The following CMPK1 variants were observed in gnomAD, a reference collection of about 807,000 sequenced individuals.
CMPK1 encodes the protein cytidine/uridine monophosphate kinase 1.
In CMPK1, 10 loss-of-function variants were observed where a neutral mutation model predicts 25.7. The ratio of observed to expected loss-of-function variants is 0.39; its 90% CI spans 0.24 to 0.66. CMPK1 has a LOEUF of 0.66. CMPK1 is among the 30% of genes least tolerant of loss of function. The pLI is 0.48. For missense variants in CMPK1, 199 were observed against 280.5 expected, an observed-to-expected ratio of 0.71 and a Z score of 2.08; for synonymous variants, 106 against 101.5, an observed-to-expected ratio of 1.04 and a Z score of -0.27.
At chr1:47,358,857 C>A in intron 1 of CMPK1, 1 of 983,722 alleles carries the variant, frequency 1.0e-6, no homozygotes, top group Non-Finnish European at 1.2e-6. Context: ...CAAATAAATT[C>A]TAGTTCCTAA....
Position 47,372,221 on chromosome 1 carries a change from T to A in CMPK1, c.319-734T>A, listed in dbSNP as rs1453357432. Among the ~76,000 whole-genome samples, 7 of 152,102 alleles carry A rather than the reference T, an allele frequency of 4.6e-5. No individual in the cohort carries two copies. The East Asian group carries it at 1.4e-3, about 29-fold the overall frequency. On this transcript the variant is annotated intron_variant, in intron 2 of 5. Transcript: ENST00000371873. The stretch of plus-strand genomic sequence containing the variant: ...CATTTCTCTGCCTCAGCCTCCCCAG[T>A]AGCTGGGATTACAGGTGCCAGCCAC...
At chr1:47,363,113 G>A (rs1383222181) in intron 1 of CMPK1, among the ~76,000 whole-genome samples, 3 of 152,148 alleles carry the variant, frequency 2.0e-5, no homozygotes, top group East Asian at 1.9e-4. Flanking sequence ...AAATGTGGTT[G>A]TGTCCCAGAA....
At chr1:47,374,302 C>T (rs1646694338) in intron 3 of CMPK1, among the ~76,000 whole-genome samples, 1 of 152,194 alleles carries the variant, frequency 6.6e-6, no homozygotes, top group Non-Finnish European at 1.5e-5. Flanking sequence ...GGTGATCCAC[C>T]CGCCTTAGCC....
intron 1 of CMPK1, among the ~76,000 whole-genome samples, chr1:47,342,440 C>T (rs557357603): frequency 4.3e-4 from 65 of 152,176 alleles, no homozygotes; most frequent in Admixed American, 1.6e-3. Flanking sequence ...TAATCTCTTC[C>T]GGAAATACCC....
At chr1:47,335,234 A>G (rs888196662) in intron 1 of CMPK1, among the ~76,000 whole-genome samples, 1 of 152,146 alleles carries the variant, frequency 6.6e-6, no homozygotes, top group Admixed American at 6.6e-5. Context: ...TTCTCTCCTT[A>G]TATGTTCATA....
intron 1 of CMPK1, among the ~76,000 whole-genome samples, chr1:47,357,700 A>G (rs1325050661): frequency 1.3e-5 from 2 of 151,480 alleles, no homozygotes; most frequent in African/African-American, 4.9e-5. Context: ...GGTCAGGCTG[A>G]TTTTCAACAC....
At chr1:47,370,573 A>G (rs1274146150) in intron 2 of CMPK1, among the ~76,000 whole-genome samples, 3 of 151,032 alleles carry the variant, frequency 2.0e-5, no homozygotes, top group Non-Finnish European at 4.4e-5. Context: ...CCTGGGAGGC[A>G]GAGGTTTTGG....
At chr1:47,335,608 G>A (rs998015751) in intron 1 of CMPK1, among the ~76,000 whole-genome samples, 45 of 127,138 alleles carry the variant, frequency 3.5e-4, no homozygotes, top group Admixed American at 3.3e-3. Flanking sequence ...CTGCACACTA[G>A]CCTGGGCGAA....
intron 1 of CMPK1, among the ~76,000 whole-genome samples, chr1:47,344,812 T>C (rs796248153): frequency 3.9e-4 from 59 of 152,056 alleles, no homozygotes; most frequent in African/African-American, 1.3e-3. Flanking sequence ...TGTAAATTAT[T>C]TCAAAATTGT....
chr1:47,354,801 G>C lies in CMPK1; in HGVS notation c.172-13668G>C, dbSNP rs1234838330. 2.0e-5 allele frequency among the ~76,000 whole-genome samples: 3 copies of C among 151,960 alleles called. No individual in the cohort carries two copies. In the East Asian group the frequency reaches 5.8e-4, roughly 29 times the overall value. On this transcript the variant is annotated intron_variant, in intron 1 of 5. Transcript: ENST00000371873. ...AACATTCATGTACATATGTCTTTGT[G>C]CACATGTGCAACAGTGCCATAACTC...
At chr1:47,375,363 C>G (rs551117716) in intron 5 of CMPK1, 70 bp downstream of exon 5, 2 of 1,088,638 alleles carry the variant, frequency 1.8e-6, no homozygotes, top group South Asian at 3.0e-5. Context: ...TTGGGGTAAG[C>G]AGGAAAAAAA....
rs1646371557 is a variant in CMPK1, at chr1:47,333,804, C to A, written c.-142C>A. 3.3e-6 allele frequency: 1 copy of A among 299,598 alleles called. No homozygotes were observed. The highest frequency in any genetic ancestry group is 4.9e-6 in the Non-Finnish European group (1 of 202,298). The allele number at this position is 299,598 out of a possible 1,614,324, so 18.6% of individuals were successfully genotyped here. On this transcript the variant is annotated 5_prime_UTR_variant, in exon 1 of 6. Coordinates refer to ENST00000371873, the MANE Select transcript of CMPK1 (RefSeq NM_016308.3). Reference sequence around the variant, plus strand: ...CGAAGCTCCTCCCCTTCCGACAGGGCCGCGGACGCCCGGGCAGCCACGGCG... The same window carrying A: ...CGAAGCTCCTCCCCTTCCGACAGGGACGCGGACGCCCGGGCAGCCACGGCG...
At chr1:47,375,870 C>G (rs1360782911) in intron 5 of CMPK1, among the ~76,000 whole-genome samples, 1 of 152,132 alleles carries the variant, frequency 6.6e-6, no homozygotes, top group East Asian at 1.9e-4. Context: ...CCTCCCTTTC[C>G]CCGATTCCCT....
intron 1 of CMPK1, among the ~76,000 whole-genome samples, chr1:47,350,138 T>C (rs3125642): frequency 0.87 from 132,726 of 152,136 alleles, 60,696 homozygotes; most frequent in East Asian, 1. Context: ...AGGGTCTCAC[T>C]GTCTTGCCCG....
At chr1:47,367,049 A>C (rs1646644359) in intron 1 of CMPK1, among the ~76,000 whole-genome samples, 1 of 152,046 alleles carries the variant, frequency 6.6e-6, no homozygotes, top group Non-Finnish European at 1.5e-5. Context: ...TTTAAAAAAA[A>C]AGTTTAATAG....
At chr1:47,349,402 G>A (rs1004357767) in intron 1 of CMPK1, among the ~76,000 whole-genome samples, 3 of 152,144 alleles carry the variant, frequency 2.0e-5, no homozygotes, top group Non-Finnish European at 2.9e-5. Context: ...AAAACGAAGC[G>A]TATAGAGGAG....
chr1:47,371,156 A>C (rs1646675803), intron 2 of CMPK1, among the ~76,000 whole-genome samples: 1 of 152,188 alleles, frequency 6.6e-6, no homozygotes, highest in Non-Finnish European at 1.5e-5. Context: ...AGAGCTATGT[A>C]AGCATCTGGT....
chr1:47,346,560 A>G (rs1646485708), intron 1 of CMPK1, among the ~76,000 whole-genome samples: 3 of 150,154 alleles, frequency 2.0e-5, no homozygotes, highest in Middle Eastern at 3.4e-3. Flanking sequence ...CTTGAGTGCA[A>G]TGGTGCGATC....
intron 4 of CMPK1, 33 bp from the exon 5 acceptor site, chr1:47,375,164 C>A: frequency 6.7e-7 from 1 of 1,503,488 alleles, no homozygotes; most frequent in Non-Finnish European, 9.2e-7. Flanking sequence ...AGGATAGATA[C>A]CTAGAACCTT....
Sources: gnomAD v4.1 joint callset for allele counts (sites outside exome capture counted in the v4.1 genomes callset) on GRCh38, gnomAD v4.1.1 for gene constraint, MANE v1.5 for transcripts, NCBI Gene and HGNC (gene_info 2026-07-23, HGNC 2026-07-21) for gene names.